The following ADGRE5 variants were observed in gnomAD, a reference collection of about 807,000 sequenced individuals.
ADGRE5 encodes adhesion G protein-coupled receptor E5.
ADGRE5 carries 72 observed loss-of-function variants against 100.3 expected under a neutral mutation model. The observed-to-expected ratio is 0.72, with a 90% CI of 0.59 to 0.87. ADGRE5 has a LOEUF of 0.87. Ranked by LOEUF, ADGRE5 falls within the 40% of genes least tolerant of loss-of-function variation. ADGRE5 has a pLI of 0.00. For missense variants in ADGRE5, 959 were observed against 1,094.7 expected, an observed-to-expected ratio of 0.88 and a Z score of 1.75; for synonymous variants, 439 against 447.8, an observed-to-expected ratio of 0.98 and a Z score of 0.25.
intron 4 of ADGRE5, among the ~76,000 whole-genome samples, chr19:14,393,635 C>T (rs544705782): frequency 3.3e-5 from 5 of 152,246 alleles, no homozygotes; most frequent in South Asian, 4.1e-4. Flanking sequence ...AAGAAAGGGC[C>T]GGCAGCCCAG....
intron 1 of ADGRE5, among the ~76,000 whole-genome samples, chr19:14,387,889 A>G (rs1975417395): frequency 6.6e-6 from 1 of 151,482 alleles, no homozygotes; most frequent in Admixed American, 6.6e-5. Context: ...AGCCTGGCCA[A>G]TATGGTGAAA....
chr19:14,392,573 C>T (rs969629289), intron 4 of ADGRE5, among the ~76,000 whole-genome samples: 7 of 152,150 alleles, frequency 4.6e-5, no homozygotes, highest in Admixed American at 4.6e-4. Flanking sequence ...GTTACTTTCA[C>T]CTTGCTAAAA....
Position 14,407,903 on chromosome 19 carries a change from G to C in ADGRE5, c.2377-5G>C, listed in dbSNP as rs202091781. The C allele has an allele frequency of 6.2e-7, 1 of 1,613,574 alleles. No homozygotes were observed. The highest frequency in any genetic ancestry group is 8.5e-7 in the Non-Finnish European group (1 of 1,179,774). ...CCTGCCCTGACTTGGTGTCTGGGCC[G>C]GCAGGTTCGGGAAGAATACCGGAAG... On this transcript the variant is annotated splice_region_variant and splice_polypyrimidine_tract_variant and intron_variant, in intron 18 of 19. Transcript: ENST00000242786.
chr19:14,407,862 G>A, intron 18 of ADGRE5, 46 bp from the exon 19 acceptor site: 2 of 1,513,062 alleles, frequency 1.3e-6, no homozygotes, highest in Non-Finnish European at 1.8e-6. Flanking sequence ...GAGCGTGCAT[G>A]GTCCCAGGGC....
At position 14,407,076 on chromosome 19, in the gene ADGRE5, G is replaced by C. The variant is rs141170739; in HGVS notation, c.2223G>C (p.Thr741=). 1 of 1,614,118 alleles carries C rather than the reference G, an allele frequency of 6.2e-7. No individual in the cohort carries two copies. Among genetic ancestry groups the C allele is most frequent in the South Asian group, 1.1e-5 (1 of 91,082 alleles). Residue 741 remains threonine (T), a synonymous_variant, in exon 18 of 20, where the codon ACG becomes ACC. Transcript: ENST00000242786. ...CTCCTCGCAGGGCGCTGACCATCAC[G>C]GCCATCGCGCAGCTCTTCCTGTTGG... ...KLKKARALTI[T]AIAQLFLLGC...
intron 6 of ADGRE5, 119 bp downstream of exon 6, chr19:14,397,342 G>A (rs1245093290): frequency 1.2e-5 from 18 of 1,519,478 alleles, no homozygotes; most frequent in African/African-American, 1.1e-4. Flanking sequence ...CCAGGCGTTC[G>A]TTCATTCTTC....
chr19:14,406,060 CT>C lies in ADGRE5; in HGVS notation c.1821+122del. The C allele has an allele frequency of 1.1e-6, 1 of 890,358 alleles. No individual in the cohort carries two copies. Among genetic ancestry groups the C allele is most frequent in the South Asian group, 1.7e-5 (1 of 57,682 alleles). The allele number at this position is 890,358 out of a possible 1,614,324, so 55.2% of individuals were successfully genotyped here. On this transcript the variant is annotated intron_variant, in intron 14 of 19. Coordinates refer to ENST00000242786, the MANE Select transcript of ADGRE5 (RefSeq NM_078481.4). This position sits in a 1 kb window ranked among gnomAD's most constrained non-coding sequence, Gnocchi z 6.0. ...GCCCTGGAGGCATGAGGCCCCGCCC[CT>C]GTCCGGGATCTGGCCCCGCCCACCG...
chr19:14,403,962 C>A (rs1976115028), intron 12 of ADGRE5, among the ~76,000 whole-genome samples: 1 of 148,278 alleles, frequency 6.7e-6, no homozygotes, highest in African/African-American at 2.5e-5. Flanking sequence ...GTGCAACCTC[C>A]ACCTCCCAGG....
chr19:14,387,327 A>ACC (rs1045665236), intron 1 of ADGRE5, among the ~76,000 whole-genome samples: 25 of 151,742 alleles, frequency 1.6e-4, no homozygotes, highest in African/African-American at 6.0e-4. Context: ...CTGAAACTCC[A>ACC]CCCTCAAGCC....
In ADGRE5 at chr19:14,401,474, A is replaced by G; in HGVS notation, c.986A>G (p.Gln329Arg). The change falls in exon 10 of 20, where the codon CAG (glutamine) becomes CGG (arginine). Residue 329 changes from glutamine to arginine, a missense_variant. Physicochemically the swap from Gln to Arg is conservative, Grantham distance 43. This residue lies in a region of ADGRE5 where 246 missense variants were observed against 242.2 expected (regional missense o/e 1.02). Transcript: ENST00000242786. This position sits in a 1 kb window ranked among gnomAD's most constrained non-coding sequence, Gnocchi z 4.1. ...APPVRHLIATQLLSNLEDIMR... is the reference protein window; with the variant it reads ...APPVRHLIATRLLSNLEDIMR... Reference sequence around the variant, plus strand: ...CCTGTCCGGCACCTCATAGCCACCCAGCTGCTCTCAAACCTTGAAGATATC... The same window carrying G: ...CCTGTCCGGCACCTCATAGCCACCCGGCTGCTCTCAAACCTTGAAGATATC... 1 of 1,614,148 alleles carries G rather than the reference A, an allele frequency of 6.2e-7. No individual in the cohort carries two copies. Among genetic ancestry groups the G allele is most frequent in the Non-Finnish European group, 8.5e-7 (1 of 1,179,992 alleles).
Position 14,406,522 on chromosome 19 carries a change from T to C in ADGRE5, c.2013T>C (p.Ala671=). ...GVPLLIVGVS[A]AIYSKGYGRP... ...CCCTGCTCATCGTGGGCGTCTCGGCTGCCATCTACAGCAAGGGCTACGGCC... is the reference window on the plus strand; with the variant it reads ...CCCTGCTCATCGTGGGCGTCTCGGCCGCCATCTACAGCAAGGGCTACGGCC... The change falls in exon 15 of 20, where the codon GCT becomes GCC. Residue 671 remains alanine, a synonymous_variant. Coordinates refer to ENST00000242786, the MANE Select transcript of ADGRE5 (RefSeq NM_078481.4). The surrounding 1 kb of genome is among the most constrained non-coding windows in gnomAD (Gnocchi z 6.0). The C allele has an allele frequency of 6.4e-7, 1 of 1,572,558 alleles. No individual in the cohort carries two copies. Among genetic ancestry groups the C allele is most frequent in the Non-Finnish European group, 8.6e-7 (1 of 1,159,234 alleles).
chr19:14,408,370 CAG>C lies in ADGRE5; in HGVS notation c.*250_*251del, dbSNP rs554906101. On this transcript the variant is annotated 3_prime_UTR_variant, in exon 20 of 20. Coordinates refer to ENST00000242786, the MANE Select transcript of ADGRE5 (RefSeq NM_078481.4). ...TCCACCTTGTGACCCAGGGTGGGGA[CAG>C]GGGCTGGCCCAGGGCTGCAATGCAG... 2.3e-5 allele frequency: 14 copies of C among 613,208 alleles called. No individual in the cohort carries two copies. The Admixed American group carries it at 2.4e-4, about 11-fold the overall frequency. The allele number at this position is 613,208 out of a possible 1,614,324, so 38.0% of individuals were successfully genotyped here.
At chr19:14,407,511 A>G (rs763297759) in intron 18 of ADGRE5, among the ~76,000 whole-genome samples, 63 of 152,136 alleles carry the variant, frequency 4.1e-4, no homozygotes, top group Admixed American at 1.2e-3. Context: ...TTAGCCAGGC[A>G]TGGTGGCACA....
rs1394240649 is a variant in ADGRE5 at position 14,401,861 on chromosome 19, T to C, written c.1183+101T>C. 1 of 759,188 alleles carries C rather than the reference T, an allele frequency of 1.3e-6. No individual in the cohort carries two copies. Among genetic ancestry groups the C allele is most frequent in the African/African-American group, 1.8e-5 (1 of 55,810 alleles). 47.0% of individuals were successfully genotyped at this position (759,188 alleles called of 1,614,324 possible). On this transcript the variant is annotated intron_variant, in intron 11 of 19. Coordinates refer to ENST00000242786, the MANE Select transcript of ADGRE5 (RefSeq NM_078481.4). The surrounding 1 kb of genome is among the most constrained non-coding windows in gnomAD (Gnocchi z 4.1). ...GAATAGAACAACTGACTGGGCGCGG[T>C]GGCTCACGCCTGCAATCCCAGCATT... is the stretch of plus-strand genomic sequence containing the variant.
chr19:14,387,720 T>G (rs1975409899), intron 1 of ADGRE5, among the ~76,000 whole-genome samples: 1 of 150,428 alleles, frequency 6.6e-6, no homozygotes, highest in African/African-American at 2.4e-5. Flanking sequence ...AGAGTGAGAC[T>G]CCGTTTCAAA....
At position 14,405,894 on chromosome 19, in the gene ADGRE5, G is replaced by A. The variant is rs1269471013; in HGVS notation, c.1776G>A (p.Val592=). 5 of 1,611,618 alleles carry A rather than the reference G, an allele frequency of 3.1e-6. No individual in the cohort carries two copies. The highest frequency in any genetic ancestry group is 4.5e-5 in the East Asian group (2 of 44,878). The change falls in exon 14 of 20, where the codon GTG becomes GTA. Residue 592 remains valine, a synonymous_variant. Coordinates refer to ENST00000242786, the MANE Select transcript of ADGRE5 (RefSeq NM_078481.4). ...TGCACCTCTGCATCTGCCTCTTCGT[G>A]GGCTCCACCATCTTCCTGGCCGGCA... ...IHLHLCICLF[V]GSTIFLAGIE...
intron 1 of ADGRE5, among the ~76,000 whole-genome samples, chr19:14,384,833 C>T (rs967278099): frequency 4.6e-5 from 7 of 151,724 alleles, no homozygotes; most frequent in Middle Eastern, 3.4e-3. Context: ...CTCCGTGTCT[C>T]TGTCTCCTCT....
At chr19:14,389,342 G>GAGGGGAAGGGGAGGGGAAGGGGGA (rs1975504911) in intron 3 of ADGRE5, among the ~76,000 whole-genome samples, 1 of 17,778 alleles carries the variant, frequency 5.6e-5, no homozygotes, top group African/African-American at 8.8e-4. Flanking sequence ...GGGGGAAGGG[G>GAGGGGAAGGGGAGGGGAAGGGGGA]AGGGGAAGGG....
chr19:14,402,455 C>A, intron 11 of ADGRE5, 142 bp from the exon 12 acceptor site: 1 of 785,996 alleles, frequency 1.3e-6, no homozygotes, highest in South Asian at 1.7e-5. Flanking sequence ...AAACAAGGAA[C>A]AACTAGAAAC....
Sources: gnomAD v4.1 joint callset for allele counts (sites outside exome capture counted in the v4.1 genomes callset) on GRCh38, gnomAD v4.1.1 for gene constraint, gnomAD v4.1.1 regional missense constraint, Gnocchi (gnomAD v3.1) non-coding constraint, MANE v1.5 for transcripts, NCBI Gene and HGNC (gene_info 2026-07-23, HGNC 2026-07-21) for gene names.